Variants in HIVEP1 observed in about 807,000 individuals in gnomAD.
HIVEP1 encodes zinc finger protein 40.
HIVEP1 carries 36 observed loss-of-function variants against 180.0 expected under a neutral mutation model. The ratio of observed to expected loss-of-function variants is 0.20; its 90% confidence interval spans 0.15 to 0.26. The LOEUF is 0.26. HIVEP1 is among the 10% of genes least tolerant of loss of function. The probability of loss-of-function intolerance (pLI) is 1.00; values close to 1 mark genes in which losing one functional copy is unlikely to be tolerated. For synonymous variants in HIVEP1, 1,239 were observed against 1,239.0 expected, an observed-to-expected ratio of 1.00 and a Z score of 0.00; for missense variants, 3,143 against 3,268.7, an observed-to-expected ratio of 0.96 and a Z score of 0.94.
At chr6:12,061,442 C>A (rs1481916993) in intron 2 of HIVEP1, among the ~76,000 whole-genome samples, 1 of 152,086 alleles carries the variant, frequency 6.6e-6, no homozygotes, top group Non-Finnish European at 1.5e-5. Context: ...GTGTTACTAA[C>A]CTGGTATCAT....
At position 12,042,149 on chromosome 6, in the gene HIVEP1, G is replaced by C. The variant is rs549223463; in HGVS notation, c.40+26481G>C. On this transcript the variant is annotated intron_variant, in intron 2 of 8. Transcript: ENST00000379388. ...CTGCGGACTGCAGTGGCGCAATCTC[G>C]GCTCACTGCAAGCTCCGCTTCCCGG... 1.1e-3 allele frequency among the ~76,000 whole-genome samples: 159 copies of C among 145,104 alleles called. 1 individual carries two copies. The Middle Eastern group carries it at 0.036, about 33-fold the overall frequency.
At chr6:12,189,063 T>G in the HIVEP1 span, among the ~76,000 whole-genome samples, 2 of 152,012 alleles carry the variant, frequency 1.3e-5, no homozygotes, top group African/African-American at 4.8e-5. Context: ...ATATTTGAAT[T>G]TCACATCACT....
intron 2 of HIVEP1, among the ~76,000 whole-genome samples, chr6:12,016,230 A>G (rs188606920): frequency 4.7e-4 from 72 of 152,348 alleles, no homozygotes; most frequent in African/African-American, 1.7e-3. Flanking sequence ...GCAAAGACAG[A>G]AAAGTGTGTG....
intron 3 of HIVEP1, among the ~76,000 whole-genome samples, chr6:12,089,787 G>A (rs554890052): frequency 1.3e-5 from 2 of 152,116 alleles, no homozygotes; most frequent in Non-Finnish European, 2.9e-5. Flanking sequence ...ACATTGCAAT[G>A]TAGTATGTAA....
In HIVEP1 at chr6:12,125,145, A is replaced by G. The variant is rs765575861; in HGVS notation, c.5350A>G (p.Ser1784Gly). ...ATDVRPLEAL[S>G]SRVNEASKQK... ...AGACGTGAGACCTTTAGAGGCTTTGAGTTCGAGAGTTAATGAAGCTAGTAA... is the reference window on the plus strand; with the variant it reads ...AGACGTGAGACCTTTAGAGGCTTTGGGTTCGAGAGTTAATGAAGCTAGTAA... The change falls in exon 4 of 9, where the codon AGT (serine) becomes GGT (glycine). Residue 1784 changes from serine (S) to glycine (G), a missense_variant. Physicochemically the swap from Ser to Gly is moderately conservative, Grantham distance 56 (BLOSUM62 0). Around this residue, in one of 12 missense-constraint regions of HIVEP1, gnomAD observed 1,357 missense variants for 1,260.5 expected, o/e 1.08. Transcript: ENST00000379388. 3.2e-5 allele frequency: 51 copies of G among 1,613,378 alleles called. No individual in the cohort carries two copies. The Middle Eastern group carries it at 4.9e-4, about 16-fold the overall frequency.
In HIVEP1 at chr6:12,124,750, T is replaced by G. The variant is rs1581736664; in HGVS notation, c.4955T>G (p.Leu1652Arg). The part of the protein sequence containing the change: ...SSVPAYCFAT[L>R]TSLPQILVTQ... ...GTTCCTGCTTACTGTTTTGCTACAC[T>G]CACATCCCTGCCACAAATACTAGTG... Residue 1652 changes from leucine (L) to arginine (R), a missense_variant, in exon 4 of 9, where the codon CTC becomes CGC. By Grantham distance (102) the Leu-to-Arg change is moderately radical (BLOSUM62 -2). Around this residue, in one of 12 missense-constraint regions of HIVEP1, gnomAD observed 1,357 missense variants for 1,260.5 expected, o/e 1.08. Coordinates refer to ENST00000379388, the MANE Select transcript of HIVEP1 (RefSeq NM_002114.4). 5.0e-6 allele frequency: 8 copies of G among 1,614,142 alleles called. No homozygotes were observed. The highest frequency in any genetic ancestry group is 6.8e-6 in the Non-Finnish European group (8 of 1,180,024).
At chr6:12,010,994 C>T (rs1168480059), upstream of HIVEP1, among the ~76,000 whole-genome samples, 1 of 152,082 alleles carries the variant, frequency 6.6e-6, no homozygotes, top group Non-Finnish European at 1.5e-5. Context: ...GGCTGGCAGG[C>T]AGGGGTTAAT....
intron 2 of HIVEP1, among the ~76,000 whole-genome samples, chr6:12,079,254 T>C (rs556030779): frequency 2.6e-5 from 4 of 152,310 alleles, no homozygotes; most frequent in African/African-American, 9.6e-5. Context: ...AACAATAGTT[T>C]ATATATTTAA....
intron 2 of HIVEP1, among the ~76,000 whole-genome samples, chr6:12,020,890 C>CTTTCTTTTTTTTTTT (rs536583043): frequency 1.9e-5 from 2 of 105,776 alleles, no homozygotes; most frequent in Admixed American, 1.2e-4. Context: ...TTCTTTCTTT[C>CTTTCTTTTTTTTTTT]TTTTTTTTTT....
At chr6:12,149,523 A>C (rs1342733990) in intron 7 of HIVEP1, among the ~76,000 whole-genome samples, 1 of 152,226 alleles carries the variant, frequency 6.6e-6, no homozygotes, top group Non-Finnish European at 1.5e-5. Context: ...AAAGCACCCC[A>C]GTATAGTACT....
At chr6:12,027,676 C>T (rs1208813432) in intron 2 of HIVEP1, among the ~76,000 whole-genome samples, 1 of 152,232 alleles carries the variant, frequency 6.6e-6, no homozygotes, top group African/African-American at 2.4e-5. Context: ...GGTGCGCCTT[C>T]TGACAAATGA....
At chr6:12,118,472 T>C (rs963860687) in intron 3 of HIVEP1, among the ~76,000 whole-genome samples, 1 of 152,188 alleles carries the variant, frequency 6.6e-6, no homozygotes, top group Non-Finnish European at 1.5e-5. Flanking sequence ...GGCAAGTAAT[T>C]ATTGCTCAAA....
At position 12,163,373 on chromosome 6, in the gene HIVEP1, G is replaced by C. The variant is rs1470644438; in HGVS notation, c.7069G>C (p.Asp2357His). The change falls in exon 9 of 9, where the codon GAC (aspartate) becomes CAC (histidine). Residue 2357 changes from aspartate to histidine, a missense_variant. This residue lies in a region of HIVEP1 where 595 missense variants were observed against 602.2 expected (regional missense o/e 0.99). Coordinates refer to ENST00000379388, the MANE Select transcript of HIVEP1 (RefSeq NM_002114.4). ...GMPSVASPHP[D>H]PQEQKQQITL... ...GCCTTCTGTGGCCTCACCACATCCT[G>C]ACCCTCAAGAACAGAAGCAGCAAAT... is the stretch of plus-strand genomic sequence containing the variant. The C allele has an allele frequency of 2.5e-6, 4 of 1,614,122 alleles. No homozygotes were observed. The highest frequency in any genetic ancestry group is 3.4e-6 in the Non-Finnish European group (4 of 1,180,016).
At chr6:12,072,427 T>G (rs1772035843) in intron 2 of HIVEP1, among the ~76,000 whole-genome samples, 1 of 152,114 alleles carries the variant, frequency 6.6e-6, no homozygotes, top group Admixed American at 6.6e-5. Flanking sequence ...CTCATCTCTA[T>G]TCCTGTTTTA....
chr6:12,166,653 C>T (rs559531413), downstream of HIVEP1, among the ~76,000 whole-genome samples: 3 of 152,242 alleles, frequency 2.0e-5, no homozygotes, highest in South Asian at 6.2e-4. Context: ...GCTATTTCTC[C>T]GAAGTCGTCT....
At chr6:12,126,757 G>T (rs1389750929) in intron 4 of HIVEP1, among the ~76,000 whole-genome samples, 1 of 152,202 alleles carries the variant, frequency 6.6e-6, no homozygotes, top group Non-Finnish European at 1.5e-5. Flanking sequence ...TTACTGGTAG[G>T]TGGAAGAGAG....
intron 2 of HIVEP1, among the ~76,000 whole-genome samples, chr6:12,074,649 C>T (rs893339213): frequency 1.6e-4 from 17 of 104,660 alleles, no homozygotes; most frequent in Admixed American, 6.4e-4. Flanking sequence ...TGTGTGCGCG[C>T]GCGTGCATGT....
In HIVEP1 at chr6:12,123,175, A is replaced by G. The variant is rs200270756; in HGVS notation, c.3380A>G (p.Gln1127Arg). ...GCAGCCCAGGACAAGATAGAACTGC[A>G]GAGACACGGAACTGGAATCTCTGTC... Reference protein sequence around the residue: ...SSAAQDKIELQRHGTGISVIQ... With the variant: ...SSAAQDKIELRRHGTGISVIQ... Residue 1127 changes from glutamine to arginine, a missense_variant, in exon 4 of 9, where the codon CAG (glutamine) becomes CGG (arginine). Physicochemically the swap from Gln to Arg is conservative, Grantham distance 43. Transcript: ENST00000379388. 5 of 1,614,220 alleles carry G rather than the reference A, an allele frequency of 3.1e-6. No individual in the cohort carries two copies. Among genetic ancestry groups the G allele is most frequent in the East Asian group, 4.5e-5 (2 of 44,890 alleles).
intron 2 of HIVEP1, among the ~76,000 whole-genome samples, chr6:12,075,813 C>T (rs1003302152): frequency 3.9e-5 from 6 of 151,976 alleles, no homozygotes; most frequent in African/African-American, 9.7e-5. Flanking sequence ...AAGCTCCAAA[C>T]GATAAGGGAT....
Sources: allele counts gnomAD v4.1 joint callset (sites outside exome capture counted in the v4.1 genomes callset), GRCh38; gene constraint gnomAD v4.1.1; regional missense constraint gnomAD v4.1.1; transcripts MANE v1.5; gene names NCBI Gene and HGNC (gene_info 2026-07-23, HGNC 2026-07-21).